Variants in FRYL observed in about 807,000 individuals in gnomAD.
FRYL encodes the protein protein furry homolog-like.
A neutral mutation model predicts 351.2 loss-of-function variants in FRYL; 150 were observed. The observed-to-expected ratio is 0.43, with a 90% confidence interval of 0.37 to 0.49. The LOEUF is 0.49. Among genes scored for constraint, FRYL ranks in the 20% least tolerant of loss-of-function variants. FRYL has a pLI of 0.00. For synonymous variants in FRYL, 1,153 were observed against 1,257.1 expected, an observed-to-expected ratio of 0.92 and a Z score of 1.75; for missense variants, 3,036 against 3,619.3, an observed-to-expected ratio of 0.84 and a Z score of 4.13.
chr4:48,563,893 ACTTTT>A, intron 31 of FRYL, 50 bp downstream of exon 31: 1 of 1,563,292 alleles, frequency 6.4e-7, no homozygotes, highest in Non-Finnish European at 8.7e-7. Context: ...CAAAAGAAAA[ACTTTT>A]CTTTAAGAAA....
chr4:48,670,748 C>A (rs571018791), intron 3 of FRYL, among the ~76,000 whole-genome samples: 2 of 152,202 alleles, frequency 1.3e-5, no homozygotes, highest in South Asian at 4.1e-4. Flanking sequence ...ACCTCCAGTT[C>A]CATCCATGTT....
At chr4:48,572,189 C>A (rs1409152238) in intron 26 of FRYL, among the ~76,000 whole-genome samples, 2 of 152,190 alleles carry the variant, frequency 1.3e-5, no homozygotes, top group Non-Finnish European at 2.9e-5. Flanking sequence ...TGTTCTACAG[C>A]AGACTCATCT....
In FRYL at chr4:48,499,462, T is replaced by C. The variant is rs1278618067; in HGVS notation, c.9002A>G (p.Gln3001Arg). 11 of 1,613,944 alleles carry C rather than the reference T, an allele frequency of 6.8e-6. No homozygotes were observed. Among genetic ancestry groups the C allele is most frequent in the South Asian group, 3.3e-5 (3 of 91,088 alleles). Reference sequence around the variant, plus strand: ...CACCATATTTCCCATTGGTTTGGCCTGTGCTAGAAGTTGGTATGATTGCAC... The same window carrying C: ...CACCATATTTCCCATTGGTTTGGCCCGTGCTAGAAGTTGGTATGATTGCAC... Reference protein sequence around the residue: ...RMVQSYQLLAQAKPMGNMVST... With the variant: ...RMVQSYQLLARAKPMGNMVST... Residue 3001 changes from glutamine to arginine, a missense_variant, in exon 64 of 64, where the codon CAG (glutamine) becomes CGG (arginine). Transcript: ENST00000358350.
Position 48,608,696 on chromosome 4 carries a change from A to T in FRYL, c.572+291T>A, listed in dbSNP as rs1308122014. On this transcript the variant is annotated intron_variant, in intron 9 of 63. Coordinates refer to ENST00000358350, the MANE Select transcript of FRYL (RefSeq NM_015030.2). ...GAGTTCTTTAAAAAGATTCTAACAG[A>T]ATTGTTAAAAATAGGGAAAAAGATA... 2.0e-5 allele frequency among the ~76,000 whole-genome samples: 3 copies of T among 152,226 alleles called. No individual in the cohort carries two copies. In the East Asian group the frequency reaches 5.8e-4, roughly 29 times the overall value.
chr4:48,770,318 T>G (rs1454203907), intron 1 of FRYL, among the ~76,000 whole-genome samples: 1 of 152,178 alleles, frequency 6.6e-6, no homozygotes, highest in Non-Finnish European at 1.5e-5. Flanking sequence ...TTTTTCTTAT[T>G]TTACAAATTA....
chr4:48,531,687 G>A (rs967770870), intron 49 of FRYL, among the ~76,000 whole-genome samples: 2 of 152,176 alleles, frequency 1.3e-5, no homozygotes, highest in African/African-American at 4.8e-5. Flanking sequence ...TTGTATATAC[G>A]TCAGCTTTTA....
chr4:48,721,755 C>T (rs1256075999), intron 1 of FRYL, among the ~76,000 whole-genome samples: 1 of 152,148 alleles, frequency 6.6e-6, no homozygotes, highest in Non-Finnish European at 1.5e-5. Flanking sequence ...TTCTCCCTGT[C>T]TCAGCCTCCT....
rs1727475711 is a variant in FRYL at position 48,531,049 on chromosome 4, CTAA to C, written c.6903+104_6903+106del. 7 of 772,956 alleles carry C rather than the reference CTAA, an allele frequency of 9.1e-6. No individual in the cohort carries two copies. The Admixed American group carries it at 1.2e-4, about 13-fold the overall frequency. 47.9% of individuals were successfully genotyped at this position (772,956 alleles called of 1,614,324 possible). On this transcript the variant is annotated intron_variant, in intron 50 of 63. Coordinates refer to ENST00000358350, the MANE Select transcript of FRYL (RefSeq NM_015030.2). ...TTGTTCATAACAGCTATCATATTGT[CTAA>C]CACTGGGTATGAGCTCAATCAATGT...
chr4:48,711,990 G>A (rs1015183109), intron 1 of FRYL, among the ~76,000 whole-genome samples: 2 of 152,318 alleles, frequency 1.3e-5, no homozygotes, highest in East Asian at 1.9e-4. Flanking sequence ...AACTCCAACA[G>A]ACCTGCAGCT....
chr4:48,576,952 C>T (rs1446422049), intron 23 of FRYL, among the ~76,000 whole-genome samples: 2 of 151,942 alleles, frequency 1.3e-5, no homozygotes, highest in Admixed American at 6.6e-5. Flanking sequence ...TTTGTATCTA[C>T]CTTTTAGACT....
At chr4:48,512,351 T>C (rs1296731547) in intron 57 of FRYL, 130 bp downstream of exon 57, 9 of 651,642 alleles carry the variant, frequency 1.4e-5, no homozygotes, top group Non-Finnish European at 8.0e-6. Context: ...AGTAATACCA[T>C]TAGCTTAGAA....
Position 48,777,996 on chromosome 4 carries a change from C to T in FRYL, c.-384+2082G>A, listed in dbSNP as rs1285727982. Among the ~76,000 whole-genome samples, 8 of 152,030 alleles carry T rather than the reference C, an allele frequency of 5.3e-5. No homozygotes were observed. The South Asian group carries it at 8.3e-4, about 16-fold the overall frequency. ...AGGCCAGGAGTTGGAGACCAGCCGT[C>T]TATACGAAAAATTAAAAAGTGAGAC... On this transcript the variant is annotated intron_variant, in intron 1 of 63. Coordinates refer to ENST00000358350, the MANE Select transcript of FRYL (RefSeq NM_015030.2).
At chr4:48,600,588 AAT>A (rs199860079) in intron 13 of FRYL, among the ~76,000 whole-genome samples, 1 of 152,218 alleles carries the variant, frequency 6.6e-6, no homozygotes, top group East Asian at 1.9e-4. Flanking sequence ...AAGTATTGCA[AAT>A]ATGTTAGGTG....
intron 3 of FRYL, among the ~76,000 whole-genome samples, chr4:48,661,173 T>A (rs1760630375): frequency 6.6e-6 from 1 of 152,206 alleles, no homozygotes; most frequent in East Asian, 1.9e-4. Flanking sequence ...TTTCTATAAA[T>A]CTAAAAGTAT....
intron 56 of FRYL, among the ~76,000 whole-genome samples, chr4:48,513,270 C>T (rs1350957937): frequency 5.3e-5 from 8 of 152,152 alleles, no homozygotes; most frequent in Non-Finnish European, 1.2e-4. Context: ...CCCAGGACTA[C>T]GGGTCCAAAT....
At chr4:48,557,213 C>T (rs1178236977) in intron 34 of FRYL, 95 bp from the exon 35 acceptor site, 3 of 1,429,042 alleles carry the variant, frequency 2.1e-6, no homozygotes, top group Non-Finnish European at 2.8e-6. Flanking sequence ...ATGTTTTGTA[C>T]AGATAGCTTT....
intron 2 of FRYL, among the ~76,000 whole-genome samples, chr4:48,702,179 G>A (rs780950171): frequency 4.6e-5 from 7 of 152,058 alleles, no homozygotes; most frequent in Non-Finnish European, 1.0e-4. Context: ...AAATAGGCCA[G>A]GTATGGTGGC....
intron 1 of FRYL, among the ~76,000 whole-genome samples, chr4:48,761,009 G>C (rs1355918630): frequency 2.0e-5 from 1 of 50,008 alleles, no homozygotes; most frequent in Non-Finnish European, 6.0e-5. Context: ...TACTCTGTCT[G>C]TGTGTGTGTG....
chr4:48,577,930 A>G (rs1739989078), intron 23 of FRYL, among the ~76,000 whole-genome samples: 1 of 151,496 alleles, frequency 6.6e-6, no homozygotes, highest in Admixed American at 6.6e-5. Flanking sequence ...CCAATACACA[A>G]TACCTGAGAA....
Sources: gnomAD v4.1 joint callset for allele counts (sites outside exome capture counted in the v4.1 genomes callset) on GRCh38, gnomAD v4.1.1 for gene constraint, MANE v1.5 for transcripts, NCBI Gene and HGNC (gene_info 2026-07-23, HGNC 2026-07-21) for gene names.